CADM2: variants seen among roughly 807,000 people sequenced by gnomAD.
CADM2 encodes the protein cell adhesion molecule 2, also known as immunoglobulin superfamily member 4D.
CADM2 carries 12 observed loss-of-function variants against 49.8 expected under a neutral mutation model. That is an observed-to-expected ratio of 0.24 (90% CI 0.15 to 0.39). The LOEUF (loss-of-function observed/expected upper bound fraction) is 0.39. CADM2 is among the 10% of genes least tolerant of loss of function. The pLI is 1.00. For synonymous variants in CADM2, 214 were observed against 175.4 expected, an observed-to-expected ratio of 1.22 and a Z score of -1.74; for missense variants, 378 against 492.3, an observed-to-expected ratio of 0.77 and a Z score of 2.20.
intron 1 of CADM2, among the ~76,000 whole-genome samples, chr3:85,486,253 C>T (rs966527024): frequency 3.3e-5 from 5 of 151,958 alleles, no homozygotes; most frequent in African/African-American, 7.2e-5. Context: ...AATTTTATGG[C>T]GTATGTAATT....
At chr3:85,833,140 C>T (rs1024532722) in intron 3 of CADM2, among the ~76,000 whole-genome samples, 2 of 151,932 alleles carry the variant, frequency 1.3e-5, no homozygotes, top group Non-Finnish European at 2.9e-5. Context: ...GTATACTAAA[C>T]CATCACTGCA....
intron 8 of CADM2, among the ~76,000 whole-genome samples, chr3:86,054,848 A>T (rs146019965): frequency 6.6e-6 from 1 of 152,242 alleles, no homozygotes; most frequent in Non-Finnish European, 1.5e-5. Flanking sequence ...CACAGAATAC[A>T]TTGCCAAAAT....
At chr3:85,842,775 A>G (rs2074696581) in intron 3 of CADM2, among the ~76,000 whole-genome samples, 1 of 152,086 alleles carries the variant, frequency 6.6e-6, no homozygotes, top group African/African-American at 2.4e-5. Context: ...TCATGATTTT[A>G]CCCTTACTGT....
chr3:85,842,579 C>T (rs780891172), intron 3 of CADM2, among the ~76,000 whole-genome samples: 2 of 152,204 alleles, frequency 1.3e-5, no homozygotes, highest in Non-Finnish European at 2.9e-5. Flanking sequence ...GAAAGCTTCC[C>T]TACCGATGAG....
In CADM2 at chr3:85,935,615, C is replaced by T. The variant is rs960071392; in HGVS notation, c.701-152C>T. The T allele has an allele frequency of 1.2e-5, 5 of 401,208 alleles. No individual in the cohort carries two copies. The Admixed American group carries it at 2.2e-4, about 17-fold the overall frequency. The allele number at this position is 401,208 out of a possible 1,614,324, so 24.9% of individuals were successfully genotyped here. A position where few individuals can be genotyped will look rare whatever the true frequency, so the allele number is the denominator to read the frequency against. ...GGTTGTTAGCTTTTTAAATCACACA[C>T]CTTATTTTACCAAATCTAAGAAATC... On this transcript the variant is annotated intron_variant, in intron 6 of 9. Transcript: ENST00000383699.
intron 7 of CADM2, 67 bp downstream of exon 7, chr3:85,935,924 T>C: frequency 1.2e-6 from 1 of 861,644 alleles, no homozygotes; most frequent in Non-Finnish European, 1.9e-6. Context: ...ATTACAGCCT[T>C]TAACTGTAGA....
intron 8 of CADM2, among the ~76,000 whole-genome samples, chr3:85,991,177 C>T (rs1225235800): frequency 1.3e-5 from 2 of 152,210 alleles, no homozygotes; most frequent in Non-Finnish European, 2.9e-5. Flanking sequence ...TATCCCCCCA[C>T]ACATTTTAAT....
At chr3:85,265,365 ATT>A (rs1402179239) in intron 1 of CADM2, among the ~76,000 whole-genome samples, 1 of 151,932 alleles carries the variant, frequency 6.6e-6, no homozygotes, top group African/African-American at 2.4e-5. Context: ...TTTATAAAAG[ATT>A]AAAGTTTATT....
intron 1 of CADM2, among the ~76,000 whole-genome samples, chr3:85,456,937 A>C (rs2038018550): frequency 6.6e-6 from 1 of 152,012 alleles, no homozygotes; most frequent in African/African-American, 2.4e-5. Context: ...CAGTTTAAAA[A>C]CAGTTGATAA....
chr3:85,202,330 T>G (rs1037979193), intron 1 of CADM2, among the ~76,000 whole-genome samples: 19 of 152,158 alleles, frequency 1.2e-4, no homozygotes, highest in African/African-American at 4.6e-4. Context: ...TAGCTATCTA[T>G]GGAAGCTAAA....
chr3:85,419,298 A>G (rs982576987), intron 1 of CADM2, among the ~76,000 whole-genome samples: 4 of 46,500 alleles, frequency 8.6e-5, no homozygotes, highest in Admixed American at 6.5e-4. Flanking sequence ...TACTAAAATT[A>G]CAAAAAAAAA....
chr3:85,215,388 A>G (rs1008896751), intron 1 of CADM2, among the ~76,000 whole-genome samples: 3 of 151,606 alleles, frequency 2.0e-5, no homozygotes, highest in Non-Finnish European at 4.4e-5. Flanking sequence ...AAAAAGAAAA[A>G]AACTTTTATT....
chr3:85,106,201 A>G (rs2038218031), intron 1 of CADM2, among the ~76,000 whole-genome samples: 1 of 152,172 alleles, frequency 6.6e-6, no homozygotes, highest in Admixed American at 6.6e-5. Flanking sequence ...TGGAGAGCAG[A>G]GGTAAAGTGA....
intron 1 of CADM2, among the ~76,000 whole-genome samples, chr3:85,209,009 C>T (rs547467892): frequency 6.6e-6 from 1 of 152,138 alleles, no homozygotes; most frequent in South Asian, 2.1e-4. Context: ...TTAAATTAAG[C>T]TTTTTGAAAG....
At chr3:85,628,368 A>G (rs2064186918) in intron 1 of CADM2, among the ~76,000 whole-genome samples, 1 of 151,672 alleles carries the variant, frequency 6.6e-6, no homozygotes, top group African/African-American at 2.4e-5. Flanking sequence ...ATATAGTGGC[A>G]TCTATTTCAC....
At chr3:85,107,041 G>C (rs1245071706) in intron 1 of CADM2, among the ~76,000 whole-genome samples, 1 of 152,026 alleles carries the variant, frequency 6.6e-6, no homozygotes, top group Non-Finnish European at 1.5e-5. Flanking sequence ...CAGCCAAAGA[G>C]GTAAGATAAC....
intron 1 of CADM2, among the ~76,000 whole-genome samples, chr3:85,050,539 T>C (rs1177536405): frequency 6.6e-6 from 1 of 152,012 alleles, no homozygotes; most frequent in Non-Finnish European, 1.5e-5. Context: ...ATTAAAAACA[T>C]TAAGTAGGAA....
At chr3:84,964,396 A>G (rs999038595) in intron 1 of CADM2, among the ~76,000 whole-genome samples, 1 of 152,206 alleles carries the variant, frequency 6.6e-6, no homozygotes, top group Non-Finnish European at 1.5e-5. Flanking sequence ...CTTATTTACT[A>G]TGAAGGATTT....
chr3:84,960,516 C>G lies in CADM2; in HGVS notation c.61+848C>G, dbSNP rs1034904469. On this transcript the variant is annotated intron_variant, in intron 1 of 9. Coordinates refer to ENST00000383699, the MANE Select transcript of CADM2 (RefSeq NM_001167675.2). ...TTTTAACCAAAGAAATATATGCTCC[C>G]TAGCAGTTACTTTACTGCTAAGATA... 3 of 151,894 alleles carry G rather than the reference C, an allele frequency of 2.0e-5. No homozygotes were observed. The East Asian group carries it at 5.8e-4, about 29-fold the overall frequency. The allele number at this position is 151,894 out of a possible 1,614,324, so 9.4% of individuals were successfully genotyped here.
Sources: gnomAD v4.1 joint callset for allele counts (sites outside exome capture counted in the v4.1 genomes callset) on GRCh38, gnomAD v4.1.1 for gene constraint, MANE v1.5 for transcripts, NCBI Gene and HGNC (gene_info 2026-07-23, HGNC 2026-07-21) for gene names.